ASPH: variants seen among roughly 807,000 people sequenced by gnomAD.
The protein encoded by ASPH is aspartate beta-hydroxylase, also known as aspartyl/asparaginyl beta-hydroxylase.
In ASPH, 100 loss-of-function variants were observed where a neutral mutation model predicts 118.4. The observed-to-expected ratio is 0.84, with a 90% CI of 0.72 to 1.00. The LOEUF (loss-of-function observed/expected upper bound fraction) is 1.00. Ranked by LOEUF, ASPH falls within the 50% of genes least tolerant of loss-of-function variation. ASPH has a pLI of 0.00. For missense variants in ASPH, 920 were observed against 919.5 expected (o/e 1.00, Z -0.01); for synonymous variants, 315 against 325.6 (o/e 0.97, Z 0.35).
intron 21 of ASPH, among the ~76,000 whole-genome samples, chr8:61,540,981 C>A (rs1172960843): frequency 6.6e-6 from 1 of 151,736 alleles, no homozygotes; most frequent in East Asian, 1.9e-4. Flanking sequence ...AATGAGAGGC[C>A]GGGCACGGTG....
At chr8:61,554,842 G>C (rs1397023650) in intron 19 of ASPH, among the ~76,000 whole-genome samples, 6 of 152,188 alleles carry the variant, frequency 3.9e-5, no homozygotes. Context: ...GGCCTGAGTA[G>C]CTGGGACCAC....
Position 61,562,834 on chromosome 8 carries a change from T to C in ASPH, c.1347A>G (p.Leu449=), listed in dbSNP as rs554332545. The part of the protein sequence containing the change: ...SLLTLQRLVQ[L]FPNDTSLKND... Reference sequence around the variant, plus strand: ...TTTTTAAGGAAGTATCATTGGGAAATAGTTGAACTAATCTCTGCAGGGTAA... The same window carrying C: ...TTTTTAAGGAAGTATCATTGGGAAACAGTTGAACTAATCTCTGCAGGGTAA... Residue 449 remains leucine (L), a synonymous_variant, in exon 18 of 25, where the codon CTA becomes CTG. Coordinates refer to ENST00000379454, the MANE Select transcript of ASPH (RefSeq NM_004318.4). 2.4e-5 allele frequency: 38 copies of C among 1,612,826 alleles called. No homozygotes were observed. The highest frequency in any genetic ancestry group is 7.7e-5 in the South Asian group (7 of 90,840).
chr8:61,501,136 T>C lies in ASPH; in HGVS notation c.*2223A>G, dbSNP rs1804838822. The C allele has an allele frequency of 6.6e-6, 1 of 152,096 alleles. No homozygotes were observed. The highest frequency in any genetic ancestry group is 6.5e-5 in the Admixed American group (1 of 15,272). 9.4% of individuals were successfully genotyped at this position (152,096 alleles called of 1,614,324 possible). ...GTGTAGACATACGAAATCACAAAAA[T>C]AATAACACTGAAATAATTCTACCAA... On this transcript the variant is annotated 3_prime_UTR_variant, in exon 25 of 25. Coordinates refer to ENST00000379454, the MANE Select transcript of ASPH (RefSeq NM_004318.4).
At chr8:61,523,552 A>G (rs1814058335) in intron 22 of ASPH, among the ~76,000 whole-genome samples, 2 of 151,822 alleles carry the variant, frequency 1.3e-5, no homozygotes, top group African/African-American at 4.8e-5. Flanking sequence ...CCTGACCTCA[A>G]ATGATCTGCC....
At chr8:61,640,771 A>G (rs1804739990) in intron 10 of ASPH, among the ~76,000 whole-genome samples, 1 of 152,244 alleles carries the variant, frequency 6.6e-6, no homozygotes, top group East Asian at 1.9e-4. Flanking sequence ...GTATGAATAA[A>G]TAAGTCAATT....
In ASPH at chr8:61,710,012, A is replaced by G. The variant is rs866230565; in HGVS notation, c.103+4257T>C. On this transcript the variant is annotated intron_variant, in intron 1 of 24. Coordinates refer to ENST00000379454, the MANE Select transcript of ASPH (RefSeq NM_004318.4). ...AAATAAATAAGAATAAATCATCAAA[A>G]AAGTCAAAGCATGCAATGGCCTGAT... Among the ~76,000 whole-genome samples the G allele has an allele frequency of 2.6e-5, 4 of 152,238 alleles. No homozygotes were observed. In the South Asian group the frequency reaches 8.3e-4, roughly 31 times the overall value.
intron 1 of ASPH, among the ~76,000 whole-genome samples, chr8:61,710,950 A>G (rs1048321229): frequency 6.6e-6 from 1 of 152,226 alleles, no homozygotes; most frequent in South Asian, 2.1e-4. Flanking sequence ...GTACAGGAAT[A>G]TATTTCATTC....
At chr8:61,660,095 C>T (rs181073065) in intron 3 of ASPH, 1 of 152,096 alleles carries the variant, frequency 6.6e-6, no homozygotes, top group East Asian at 1.9e-4. Flanking sequence ...GATTCCATCA[C>T]TCAGGTAATG....
chr8:61,641,080 T>A (rs917262458), intron 10 of ASPH, among the ~76,000 whole-genome samples: 1 of 152,248 alleles, frequency 6.6e-6, no homozygotes, highest in African/African-American at 2.4e-5. Context: ...TTAGATCTAT[T>A]TGTTTGAAAC....
intron 18 of ASPH, among the ~76,000 whole-genome samples, chr8:61,556,822 A>G (rs1828045053): frequency 6.6e-6 from 1 of 151,932 alleles, no homozygotes; most frequent in Non-Finnish European, 1.5e-5. Flanking sequence ...TGCATCTCCC[A>G]TCTCTTCTCT....
At chr8:61,644,889 A>C (rs1807131830) in intron 6 of ASPH, among the ~76,000 whole-genome samples, 1 of 152,194 alleles carries the variant, frequency 6.6e-6, no homozygotes. Context: ...AAGAGAGAGG[A>C]CAACTTAGAG....
At chr8:61,537,605 G>A (rs1051426325) in intron 21 of ASPH, among the ~76,000 whole-genome samples, 1 of 151,994 alleles carries the variant, frequency 6.6e-6, no homozygotes, top group East Asian at 1.9e-4. Context: ...TCTTACTTCT[G>A]GCCTCAAGTG....
intron 17 of ASPH, among the ~76,000 whole-genome samples, chr8:61,565,004 G>C (rs1405277323): frequency 6.6e-6 from 1 of 152,184 alleles, no homozygotes; most frequent in Non-Finnish European, 1.5e-5. Flanking sequence ...GAAGAGAATT[G>C]TAAGCCTGGT....
At position 61,556,111 on chromosome 8, in the gene ASPH, T is replaced by C. The variant is rs1827775369; in HGVS notation, c.1438-89A>G. ...TACAGATGACTGTCAAAACCAGTTTTAATTAGCTTTGTTGTACTTGGATTG... is the reference window on the plus strand; with the variant it reads ...TACAGATGACTGTCAAAACCAGTTTCAATTAGCTTTGTTGTACTTGGATTG... On this transcript the variant is annotated intron_variant, in intron 18 of 24. Transcript: ENST00000379454. 4.6e-6 allele frequency: 5 copies of C among 1,077,066 alleles called. No homozygotes were observed. The South Asian group carries it at 7.1e-5, about 15-fold the overall frequency. The allele number at this position is 1,077,066 out of a possible 1,614,324, so 66.7% of individuals were successfully genotyped here.
At chr8:61,699,959 G>C (rs375893536) in intron 1 of ASPH, among the ~76,000 whole-genome samples, 2 of 152,322 alleles carry the variant, frequency 1.3e-5, no homozygotes, top group African/African-American at 4.8e-5. Flanking sequence ...GGGAGCTCAA[G>C]CTCCAGGCAA....
At chr8:61,600,757 T>A (rs1476435639) in intron 14 of ASPH, among the ~76,000 whole-genome samples, 2 of 151,358 alleles carry the variant, frequency 1.3e-5, no homozygotes, top group Non-Finnish European at 2.9e-5. Context: ...ATAGCAATAA[T>A]CACATTAAAT....
chr8:61,625,505 T>C, intron 13 of ASPH: 1 of 985,336 alleles, frequency 1.0e-6, no homozygotes, highest in Non-Finnish European at 1.2e-6. Context: ...ATATGATTAA[T>C]CTGAGGTGCC....
intron 14 of ASPH, among the ~76,000 whole-genome samples, chr8:61,616,265 C>T (rs907751427): frequency 6.6e-6 from 1 of 152,046 alleles, no homozygotes; most frequent in African/African-American, 2.4e-5. Flanking sequence ...ACCTGTGCAC[C>T]GAGGATACCC....
rs150522843 is a variant in ASPH, at chr8:61,684,106, T to C, written c.186A>G (p.Ala62=). The change falls in exon 2 of 25, where the codon GCA becomes GCG. Residue 62 remains alanine, a synonymous_variant. Transcript: ENST00000379454. ...CTACAGATGTCCAGACGCCCAGCAA[T>C]GCAATCACCATAAACCACGTGAAGA... ...TSFFTWFMVI[A]LLGVWTSVAV... is the part of the protein sequence containing the mutation. 143 of 1,613,700 alleles carry C rather than the reference T, an allele frequency of 8.9e-5. No individual in the cohort carries two copies. Among genetic ancestry groups the C allele is most frequent in the Non-Finnish European group, 1.2e-4 (141 of 1,179,798 alleles).
Sources: allele counts gnomAD v4.1 joint callset (sites outside exome capture counted in the v4.1 genomes callset), GRCh38; gene constraint gnomAD v4.1.1; transcripts MANE v1.5; gene names NCBI Gene and HGNC (gene_info 2026-07-23, HGNC 2026-07-21).